The following EPHA6 variants were observed in gnomAD, a reference collection of about 807,000 sequenced individuals.
EPHA6 encodes ephrin type-A receptor 6.
In EPHA6, 50 loss-of-function variants were observed where a neutral mutation model predicts 112.0. The ratio of observed to expected loss-of-function variants is 0.45; its 90% confidence interval spans 0.36 to 0.56. The LOEUF (loss-of-function observed/expected upper bound fraction) is 0.56. EPHA6 is among the 20% of genes least tolerant of loss of function. The pLI is 0.00. For synonymous variants in EPHA6, 529 were observed against 490.7 expected, an observed-to-expected ratio of 1.08 and a Z score of -1.03; for missense variants, 1,280 against 1,417.4, an observed-to-expected ratio of 0.90 and a Z score of 1.56.
chr3:96,979,453 A>T (rs1324883231), intron 2 of EPHA6, among the ~76,000 whole-genome samples: 8 of 152,072 alleles, frequency 5.3e-5, no homozygotes, highest in Non-Finnish European at 2.9e-5. Context: ...TCTATCATTG[A>T]TGGACATTTG....
chr3:97,665,606 G>A (rs570334841), intron 14 of EPHA6, among the ~76,000 whole-genome samples: 1 of 152,252 alleles, frequency 6.6e-6, no homozygotes, highest in Admixed American at 6.5e-5. Context: ...GCCAAAAGAA[G>A]AGAAGCCCTT....
intron 2 of EPHA6, among the ~76,000 whole-genome samples, chr3:96,895,916 A>G (rs2038246182): frequency 6.6e-6 from 1 of 152,146 alleles, no homozygotes; most frequent in African/African-American, 2.4e-5. Flanking sequence ...TTATGATCTT[A>G]TCTTACAGTA....
chr3:97,559,063 T>C (rs2093153148), intron 11 of EPHA6, among the ~76,000 whole-genome samples: 1 of 151,976 alleles, frequency 6.6e-6, no homozygotes, highest in Admixed American at 6.6e-5. Flanking sequence ...AATGAGTGCA[T>C]AGCATGCATA....
At chr3:97,003,048 G>T (rs2043727438) in intron 3 of EPHA6, among the ~76,000 whole-genome samples, 1 of 152,074 alleles carries the variant, frequency 6.6e-6, no homozygotes, top group South Asian at 2.1e-4. Context: ...TGTTGTAGGG[G>T]TTGATATTGG....
At chr3:97,025,803 G>T (rs889300670) in intron 3 of EPHA6, among the ~76,000 whole-genome samples, 1 of 152,012 alleles carries the variant, frequency 6.6e-6, no homozygotes, top group Admixed American at 6.6e-5. Flanking sequence ...TGACCAGGAT[G>T]GTCTCGATCT....
chr3:97,546,914 A>T (rs564653837), intron 11 of EPHA6, among the ~76,000 whole-genome samples: 5 of 152,282 alleles, frequency 3.3e-5, no homozygotes, highest in African/African-American at 1.2e-4. Flanking sequence ...TTTCAGCTCC[A>T]TCAGGTCCTT....
intron 5 of EPHA6, among the ~76,000 whole-genome samples, chr3:97,359,089 G>A (rs931910094): frequency 6.7e-6 from 1 of 149,484 alleles, no homozygotes; most frequent in Non-Finnish European, 1.5e-5. Context: ...TTATATCCAT[G>A]TCTTTAATCA....
chr3:97,729,092 G>T (rs1386100), intron 15 of EPHA6, among the ~76,000 whole-genome samples: 149,323 of 152,190 alleles, frequency 0.98, 73,277 homozygotes, highest in East Asian at 0.99. Flanking sequence ...AAGAAAATCT[G>T]AAAAAGAAAA....
intron 11 of EPHA6, among the ~76,000 whole-genome samples, chr3:97,537,975 A>G (rs2092787122): frequency 6.6e-6 from 1 of 152,212 alleles, no homozygotes; most frequent in Admixed American, 6.5e-5. Flanking sequence ...TTAGGTAAAG[A>G]GCAAAAACCT....
intron 3 of EPHA6, among the ~76,000 whole-genome samples, chr3:97,126,253 T>C (rs973048087): frequency 1.3e-5 from 2 of 152,148 alleles, no homozygotes; most frequent in Non-Finnish European, 2.9e-5. Flanking sequence ...CTGATTCTAA[T>C]GGCCAGGGGA....
At chr3:97,279,493 A>G (rs897440114) in intron 5 of EPHA6, among the ~76,000 whole-genome samples, 2 of 151,926 alleles carry the variant, frequency 1.3e-5, no homozygotes, top group African/African-American at 4.8e-5. Context: ...AGAATAGGAA[A>G]TCTATTTAAA....
At chr3:97,024,050 C>A (rs2107990857) in intron 3 of EPHA6, among the ~76,000 whole-genome samples, 1 of 152,142 alleles carries the variant, frequency 6.6e-6, no homozygotes, top group African/African-American at 2.4e-5. Flanking sequence ...GTGGTCAGTT[C>A]ATTTCTCATT....
chr3:97,276,081 G>A (rs1559845847), intron 5 of EPHA6, among the ~76,000 whole-genome samples: 1 of 152,110 alleles, frequency 6.6e-6, no homozygotes, highest in Non-Finnish European at 1.5e-5. Context: ...CAACAGTTAT[G>A]GAGGCAAGGG....
chr3:97,521,268 T>G (rs989585899), intron 10 of EPHA6, among the ~76,000 whole-genome samples: 24 of 152,130 alleles, frequency 1.6e-4, no homozygotes, highest in African/African-American at 5.8e-4. Context: ...TCTTTGCTTT[T>G]TCATGTTTCT....
intron 14 of EPHA6, among the ~76,000 whole-genome samples, chr3:97,713,066 C>G (rs772478286): frequency 6.6e-6 from 1 of 150,398 alleles, no homozygotes; most frequent in African/African-American, 2.4e-5. Flanking sequence ...CAGATGGAAG[C>G]GTAGGCTTAG....
intron 3 of EPHA6, among the ~76,000 whole-genome samples, chr3:97,130,635 T>TA (rs2048312628): frequency 6.6e-6 from 1 of 152,204 alleles, no homozygotes; most frequent in South Asian, 2.1e-4. Flanking sequence ...TCCTAACCTA[T>TA]TGATACATCT....
chr3:97,243,489 T>C (rs1368814660), intron 4 of EPHA6, among the ~76,000 whole-genome samples: 1 of 151,910 alleles, frequency 6.6e-6, no homozygotes. Flanking sequence ...AGGTGATGAA[T>C]GGGGATTTTA....
At chr3:97,471,637 T>C (rs756108924) in intron 7 of EPHA6, among the ~76,000 whole-genome samples, 18 of 151,676 alleles carry the variant, frequency 1.2e-4, no homozygotes, top group Non-Finnish European at 2.7e-4. Flanking sequence ...TGATTAGTGT[T>C]GGGTACACTC....
chr3:97,409,911 A>G (rs2087600743), intron 6 of EPHA6, among the ~76,000 whole-genome samples: 1 of 152,160 alleles, frequency 6.6e-6, no homozygotes, highest in Non-Finnish European at 1.5e-5. Context: ...ATGAATTAAT[A>G]TAACCTGCCA....
Sources: gnomAD v4.1 joint callset for allele counts (sites outside exome capture counted in the v4.1 genomes callset) on GRCh38, gnomAD v4.1.1 for gene constraint, MANE v1.5 for transcripts, NCBI Gene and HGNC (gene_info 2026-07-23, HGNC 2026-07-21) for gene names.